The following RIOK2 variants were observed in gnomAD, a reference collection of about 807,000 sequenced individuals.
RIOK2 encodes the protein RIO kinase 2, also known as serine/threonine-protein kinase RIO2.
A neutral mutation model predicts 62.4 loss-of-function variants in RIOK2; 46 were observed. The ratio of observed to expected loss-of-function variants is 0.74; its 90% CI spans 0.58 to 0.94. The LOEUF is 0.94. Among genes scored for constraint, RIOK2 ranks in the 40% least tolerant of loss-of-function variants. RIOK2 has a pLI of 0.00. For missense variants in RIOK2, 574 were observed against 658.0 expected, an observed-to-expected ratio of 0.87 and a Z score of 1.40; for synonymous variants, 197 against 216.0, an observed-to-expected ratio of 0.91 and a Z score of 0.77.
At chr5:97,164,171 C>T (rs991116425) in intron 9 of RIOK2, among the ~76,000 whole-genome samples, 1 of 151,898 alleles carries the variant, frequency 6.6e-6, no homozygotes, top group Admixed American at 6.5e-5. Flanking sequence ...GATCACAGGT[C>T]TGAGCCACTA....
At chr5:97,173,462 A>G (rs1749072443) in intron 4 of RIOK2, among the ~76,000 whole-genome samples, 199 bp from the exon 5 acceptor site, 1 of 152,248 alleles carries the variant, frequency 6.6e-6, no homozygotes, top group South Asian at 2.1e-4. Flanking sequence ...AATTTTAAAC[A>G]AAAGTTTGAA....
chr5:97,180,136 A>ATG (rs1749349066), intron 1 of RIOK2, among the ~76,000 whole-genome samples: 3 of 36,200 alleles, frequency 8.3e-5, no homozygotes, highest in African/African-American at 1.5e-4. Context: ...GTATATATAT[A>ATG]TATATGTATA....
intron 4 of RIOK2, among the ~76,000 whole-genome samples, chr5:97,175,097 T>G (rs1749129790): frequency 6.8e-6 from 1 of 146,534 alleles, no homozygotes; most frequent in Non-Finnish European, 1.5e-5. Flanking sequence ...TAAAAGGTTC[T>G]GTTTCATGTG....
At chr5:97,164,672 A>G (rs1748798244) in intron 9 of RIOK2, among the ~76,000 whole-genome samples, 1 of 152,186 alleles carries the variant, frequency 6.6e-6, no homozygotes, top group Admixed American at 6.5e-5. Context: ...ATCCACCTCA[A>G]ACCTGATCAA....
intron 6 of RIOK2, among the ~76,000 whole-genome samples, chr5:97,170,925 G>A (rs909407443): frequency 2.0e-5 from 3 of 151,814 alleles, no homozygotes; most frequent in Non-Finnish European, 4.4e-5. Flanking sequence ...AGGCCGAGGC[G>A]GGTGGATCAC....
At chr5:97,181,232 A>G (rs1749401308) in intron 1 of RIOK2, among the ~76,000 whole-genome samples, 2 of 149,490 alleles carry the variant, frequency 1.3e-5, no homozygotes, top group South Asian at 4.2e-4. Context: ...AGATTGTGCC[A>G]CTGCACTCCA....
intron 6 of RIOK2, among the ~76,000 whole-genome samples, chr5:97,170,147 T>C (rs1748958810): frequency 6.6e-6 from 1 of 152,174 alleles, no homozygotes; most frequent in Admixed American, 6.5e-5. Context: ...ATATAAGTGA[T>C]ACTAGTTGTT....
rs750745871 is a variant in RIOK2 at position 97,167,449 on chromosome 5, A to G, written c.1397+18T>C. The G allele has an allele frequency of 5.6e-6, 9 of 1,600,182 alleles. No homozygotes were observed. The highest frequency in any genetic ancestry group is 5.6e-5 in the South Asian group (5 of 89,242). On this transcript the variant is annotated intron_variant, in intron 8 of 9. Transcript: ENST00000283109. ...GTCTCAAGACTAAAGTTAAAAAGCA[A>G]TCGACAGAAGTCTATACCTGAAAGG...
intron 8 of RIOK2, chr5:97,166,845 A>T (rs747972539): frequency 2.3e-4 from 225 of 983,990 alleles, no homozygotes; most frequent in Non-Finnish European, 2.7e-4. Context: ...TATATGAGGA[A>T]TAACTCATCC....
Position 97,167,808 on chromosome 5 carries a change from A to G in RIOK2, c.1056T>C (p.Asn352=), listed in dbSNP as rs745652757. ...CTTCTAGACAGTTCCGTTCACTTTC[A>G]TTTTCTGACCCGTAAACCTCTGCTT... ...AEKAEVYGSE[N]ESERNCLEES... Residue 352 remains asparagine, a synonymous_variant, in exon 8 of 10, where the codon AAT becomes AAC. Coordinates refer to ENST00000283109, the MANE Select transcript of RIOK2 (RefSeq NM_018343.3). 1 of 1,614,112 alleles carries G rather than the reference A, an allele frequency of 6.2e-7. No homozygotes were observed. The highest frequency in any genetic ancestry group is 2.2e-5 in the East Asian group (1 of 44,876).
chr5:97,162,082 C>T lies in RIOK2; in HGVS notation c.*979G>A, dbSNP rs893883679. The T allele has an allele frequency of 6.6e-6, 1 of 151,676 alleles. No individual in the cohort carries two copies. The highest frequency in any genetic ancestry group is 1.5e-5 in the Non-Finnish European group (1 of 68,014). 9.4% of individuals were successfully genotyped at this position (151,676 alleles called of 1,614,324 possible). A position where few individuals can be genotyped will look rare whatever the true frequency, so the allele number is the denominator to read the frequency against. On this transcript the variant is annotated 3_prime_UTR_variant, in exon 10 of 10. Transcript: ENST00000283109. ...CTTGGAAAAGTCTGTACTATATTCC[C>T]TCTGGTAGAACATAATTAGGGATGC...
rs747172815 is a variant in RIOK2, at chr5:97,177,788, G to GA, written c.265dup (p.Ser89PhefsTer3). 1 of 1,613,630 alleles carries GA rather than the reference G, an allele frequency of 6.2e-7. No homozygotes were observed. Among genetic ancestry groups the GA allele is most frequent in the South Asian group, 1.1e-5 (1 of 91,036 alleles). On this transcript the variant is annotated frameshift_variant, in exon 3 of 10. Transcript: ENST00000283109. LOFTEE classifies it high-confidence loss of function. ...AACAGACTCAACTACTTGCCTAGAA[G>GA]AAAGTGTTTTCAAAGCTAGGTAATC...
At position 97,183,198 on chromosome 5, in the gene RIOK2, C is replaced by G; in HGVS notation, c.-7G>C. ...CCACATTCACTTTCCCCATGGCGGC[C>G]CCAGTCCGAACCCAGATGCCTCTCC... On this transcript the variant is annotated 5_prime_UTR_variant, in exon 1 of 10. Coordinates refer to ENST00000283109, the MANE Select transcript of RIOK2 (RefSeq NM_018343.3). 6.2e-7 allele frequency: 1 copy of G among 1,614,116 alleles called. No individual in the cohort carries two copies. Among genetic ancestry groups the G allele is most frequent in the Non-Finnish European group, 8.5e-7 (1 of 1,179,986 alleles).
intron 7 of RIOK2, among the ~76,000 whole-genome samples, chr5:97,168,475 TATGA>T (rs1748907288): frequency 1.3e-5 from 2 of 152,198 alleles, no homozygotes; most frequent in African/African-American, 4.8e-5. Context: ...TGTTATTCCT[TATGA>T]ATGAGTTACT....
At chr5:97,168,928 T>TGTC in intron 6 of RIOK2, 76 bp from the exon 7 acceptor site, 1 of 785,542 alleles carries the variant, frequency 1.3e-6, no homozygotes. Context: ...ACAATATACT[T>TGTC]ATTGGTTAAT....
chr5:97,166,927 A>T (rs1355340045), intron 8 of RIOK2: 9 of 938,656 alleles, frequency 9.6e-6, no homozygotes, highest in East Asian at 1.1e-4. Context: ...ATATATATAT[A>T]TTTTTGAGAC....
At chr5:97,171,422 T>C (rs1442953496) in intron 5 of RIOK2, 25 bp from the exon 6 acceptor site, 5 of 1,468,118 alleles carry the variant, frequency 3.4e-6, no homozygotes, top group Non-Finnish European at 4.5e-6. Context: ...AGCATGAAAA[T>C]AGGTTACTTG....
intron 3 of RIOK2, 108 bp from the exon 4 acceptor site, chr5:97,177,399 A>G (rs1290761346): frequency 1.0e-5 from 11 of 1,101,018 alleles, no homozygotes; most frequent in Non-Finnish European, 1.4e-5. Context: ...CATTTTTCCT[A>G]ATAAAGATTG....
chr5:97,181,237 A>G (rs1749401509), intron 1 of RIOK2, among the ~76,000 whole-genome samples: 1 of 148,008 alleles, frequency 6.8e-6, no homozygotes. Context: ...GTGCCACTGC[A>G]CTCCAGCCTG....
Sources: allele counts gnomAD v4.1 joint callset (sites outside exome capture counted in the v4.1 genomes callset), GRCh38; gene constraint gnomAD v4.1.1; transcripts MANE v1.5; gene names NCBI Gene and HGNC (gene_info 2026-07-23, HGNC 2026-07-21).